CHL1: variants seen among roughly 807,000 people sequenced by gnomAD.
The protein encoded by CHL1 is neural cell adhesion molecule L1-like protein.
CHL1 carries 96 observed loss-of-function variants against 141.9 expected under a neutral mutation model. The ratio of observed to expected loss-of-function variants is 0.68; its 90% CI spans 0.57 to 0.80. CHL1 has a LOEUF of 0.80. Ranked by LOEUF, CHL1 falls within the 30% of genes least tolerant of loss-of-function variation. The probability of loss-of-function intolerance (pLI) is 0.00; values close to 1 mark genes in which losing one functional copy is unlikely to be tolerated. For missense variants in CHL1, 1,820 were observed against 1,457.2 expected (o/e 1.25, Z -4.05); for synonymous variants, 613 against 502.2 (o/e 1.22, Z -2.95).
In CHL1 at chr3:408,511, T is replaced by C. The variant is rs1211915918; in HGVS notation, c.*2800T>C. ...TTACCTTATCTTTGTCACAGGGTGT[T>C]CTTTTTTATGAAGAAAAATTTGAAA... On this transcript the variant is annotated 3_prime_UTR_variant, in exon 28 of 28. Coordinates refer to ENST00000256509, the MANE Select transcript of CHL1 (RefSeq NM_006614.4). The C allele has an allele frequency of 6.6e-6, 1 of 152,136 alleles. No homozygotes were observed. The highest frequency in any genetic ancestry group is 1.9e-4 in the East Asian group (1 of 5,182). The allele number at this position is 152,136 out of a possible 1,614,324, so 9.4% of individuals were successfully genotyped here. A position where few individuals can be genotyped will look rare whatever the true frequency, so the allele number is the denominator to read the frequency against.
At chr3:391,527 AT>A (rs1575273161) in intron 22 of CHL1, 147 bp from the exon 23 acceptor site, 1 of 617,210 alleles carries the variant, frequency 1.6e-6, no homozygotes, top group East Asian at 3.0e-5. Flanking sequence ...AAAAAAATAA[AT>A]AAATAAACAT....
intron 9 of CHL1, among the ~76,000 whole-genome samples, chr3:346,930 T>G (rs1198289762): frequency 6.6e-6 from 1 of 152,174 alleles, no homozygotes; most frequent in Non-Finnish European, 1.5e-5. Context: ...TACATTTTAC[T>G]TGAAAGAATA....
intron 14 of CHL1, chr3:363,886 G>C (rs1704545466): frequency 6.6e-6 from 1 of 152,130 alleles, no homozygotes; most frequent in Admixed American, 6.6e-5. Context: ...AGTTTCTTGG[G>C]CTTCACTGAT....
At chr3:270,834 T>G (rs755367121) in intron 2 of CHL1, among the ~76,000 whole-genome samples, 1 of 152,162 alleles carries the variant, frequency 6.6e-6, no homozygotes. Context: ...AACTGGGAGC[T>G]CAGCTGGAGC....
At chr3:366,731 C>A (rs184410064) in intron 15 of CHL1, among the ~76,000 whole-genome samples, 2 of 151,276 alleles carry the variant, frequency 1.3e-5, no homozygotes, top group East Asian at 3.9e-4. Context: ...GAAGAGGCTG[C>A]ATACTAGTCT....
intron 2 of CHL1, among the ~76,000 whole-genome samples, chr3:317,497 A>T (rs1700231926): frequency 6.6e-6 from 1 of 151,904 alleles, no homozygotes; most frequent in Non-Finnish European, 1.5e-5. Context: ...TGCTCCTTAC[A>T]AATAAAAGGC....
chr3:231,639 A>G (rs1241749269), intron 1 of CHL1, among the ~76,000 whole-genome samples: 1 of 135,626 alleles, frequency 7.4e-6, no homozygotes, highest in Admixed American at 8.8e-5. Context: ...GTGCAGTGGC[A>G]CAATCCTGGT....
chr3:395,781 G>A (rs998953200), intron 24 of CHL1, among the ~76,000 whole-genome samples: 1 of 152,204 alleles, frequency 6.6e-6, no homozygotes, highest in African/African-American at 2.4e-5. Flanking sequence ...CTAATACTAT[G>A]TGTCAGACTG....
intron 2 of CHL1, among the ~76,000 whole-genome samples, chr3:304,015 G>A (rs767605314): frequency 5.9e-5 from 9 of 152,192 alleles, no homozygotes; most frequent in Non-Finnish European, 1.2e-4. Context: ...CTGTTTGTGT[G>A]ATGGATTGCA....
intron 2 of CHL1, among the ~76,000 whole-genome samples, chr3:299,384 T>C (rs1049381619): frequency 2.0e-5 from 3 of 152,140 alleles, no homozygotes; most frequent in African/African-American, 7.2e-5. Context: ...AGTGAACATA[T>C]GGACATGGGG....
chr3:316,269 T>A (rs573794983), intron 2 of CHL1, among the ~76,000 whole-genome samples: 140 of 152,148 alleles, frequency 9.2e-4, no homozygotes, highest in Non-Finnish European at 1.7e-3. Context: ...GGGCTGCATT[T>A]CATTGAAAAG....
chr3:324,821 C>T (rs1700884973), intron 3 of CHL1, among the ~76,000 whole-genome samples: 1 of 151,730 alleles, frequency 6.6e-6, no homozygotes, highest in Admixed American at 6.6e-5. Context: ...AACTCCTGGG[C>T]TTAAGTGACC....
intron 2 of CHL1, chr3:248,487 A>G (rs1693385393): frequency 6.6e-6 from 1 of 152,024 alleles, no homozygotes; most frequent in South Asian, 2.1e-4. Context: ...TTGAGGTATA[A>G]CTGATACACA....
intron 25 of CHL1, 73 bp from the exon 26 acceptor site, chr3:398,944 A>C: frequency 7.0e-7 from 1 of 1,432,184 alleles, no homozygotes; most frequent in Non-Finnish European, 9.7e-7. Context: ...ATGATGTCTA[A>C]TTTTCCCCAA....
chr3:340,673 A>G, intron 5 of CHL1, 121 bp from the exon 6 acceptor site: 2 of 789,372 alleles, frequency 2.5e-6, no homozygotes, highest in Admixed American at 2.9e-5. Flanking sequence ...AAGAACCAGG[A>G]TCTGTAGCAT....
intron 22 of CHL1, 60 bp from the exon 23 acceptor site, chr3:391,615 T>A (rs1470628511): frequency 1.6e-6 from 2 of 1,234,734 alleles, no homozygotes; most frequent in East Asian, 4.7e-5. Context: ...TATAATATAA[T>A]AAGGCTTTTT....
intron 5 of CHL1, among the ~76,000 whole-genome samples, chr3:338,920 G>A (rs1702147920): frequency 1.3e-5 from 2 of 152,096 alleles, no homozygotes; most frequent in African/African-American, 4.8e-5. Context: ...CGCTCTCAGG[G>A]AGCAGCTCTC....
chr3:331,014 A>C (rs1293903351), intron 5 of CHL1, among the ~76,000 whole-genome samples: 1 of 152,186 alleles, frequency 6.6e-6, no homozygotes, highest in Non-Finnish European at 1.5e-5. Context: ...GGAACAATTG[A>C]TAATTCACAC....
chr3:399,558 T>C (rs1708955320), intron 26 of CHL1, among the ~76,000 whole-genome samples: 2 of 152,142 alleles, frequency 1.3e-5, no homozygotes, highest in South Asian at 4.1e-4. Flanking sequence ...GAGAATCACT[T>C]GAACCCGGGA....
Sources: gnomAD v4.1 joint callset for allele counts (sites outside exome capture counted in the v4.1 genomes callset) on GRCh38, gnomAD v4.1.1 for gene constraint, MANE v1.5 for transcripts, NCBI Gene and HGNC (gene_info 2026-07-23, HGNC 2026-07-21) for gene names.